The following DNAH7 variants were observed in gnomAD, a reference collection of about 807,000 sequenced individuals.
The protein encoded by DNAH7 is axonemal beta dynein heavy chain 7.
A neutral mutation model predicts 444.6 loss-of-function variants in DNAH7; 397 were observed. The observed-to-expected ratio is 0.89, with a 90% CI of 0.82 to 0.97. The LOEUF (loss-of-function observed/expected upper bound fraction) is 0.97, where lower values mean the gene tolerates loss of function less well. DNAH7 is among the 50% of genes least tolerant of loss of function. The pLI is 0.00. For missense variants in DNAH7, 4,902 were observed against 4,800.8 expected (o/e 1.02, Z -0.62); for synonymous variants, 1,636 against 1,624.4 (o/e 1.01, Z -0.17).
At chr2:195,871,686 T>C (rs913467105) in intron 40 of DNAH7, among the ~76,000 whole-genome samples, 1 of 151,088 alleles carries the variant, frequency 6.6e-6, no homozygotes, top group Non-Finnish European at 1.5e-5. Flanking sequence ...CTAACAAGGA[T>C]TAAACTACTT....
intron 44 of DNAH7, among the ~76,000 whole-genome samples, chr2:195,857,040 C>T (rs1175675666): frequency 6.6e-6 from 1 of 151,964 alleles, no homozygotes; most frequent in Non-Finnish European, 1.5e-5. Flanking sequence ...CTTGTATTAA[C>T]ATGTAACATT....
chr2:196,017,946 G>A (rs937311554), intron 9 of DNAH7, among the ~76,000 whole-genome samples: 1 of 152,066 alleles, frequency 6.6e-6, no homozygotes, highest in East Asian at 1.9e-4. Context: ...ATATTTAACA[G>A]TATAAAAATT....
At chr2:196,047,624 AGTATAAT>A in intron 4 of DNAH7, 125 bp from the exon 5 acceptor site, 1 of 794,178 alleles carries the variant, frequency 1.3e-6, no homozygotes, top group Non-Finnish European at 1.7e-6. Flanking sequence ...AGTAATCCTA[AGTATAAT>A]TTTTTTTTTT....
At chr2:195,863,739 C>T (rs887755300) in intron 41 of DNAH7, among the ~76,000 whole-genome samples, 7 of 152,170 alleles carry the variant, frequency 4.6e-5, no homozygotes, top group African/African-American at 9.7e-5. Flanking sequence ...GACTTTCATA[C>T]ACGGTTATAG....
In DNAH7 at chr2:195,926,423, T is replaced by C. The variant is rs768270363; in HGVS notation, c.3612+3A>G. On this transcript the variant is annotated splice_donor_region_variant and intron_variant, in intron 22 of 64. Coordinates refer to ENST00000312428, the MANE Select transcript of DNAH7 (RefSeq NM_018897.3). The stretch of plus-strand genomic sequence containing the variant: ...AAAAACCCGAGGGTTAATAAAACCT[T>C]ACCTTTATCCCCATTGGAATAGCTG... 4.6e-6 allele frequency: 7 copies of C among 1,531,332 alleles called. No homozygotes were observed. In the African/African-American group the frequency reaches 9.9e-5, roughly 22 times the overall value. The allele number at this position is 1,531,332 out of a possible 1,614,324, so 94.9% of individuals were successfully genotyped here.
At chr2:195,884,034 G>A (rs990032632) in intron 35 of DNAH7, among the ~76,000 whole-genome samples, 1 of 152,120 alleles carries the variant, frequency 6.6e-6, no homozygotes, top group Admixed American at 6.5e-5. Context: ...TTGGGAATGT[G>A]GTATGATCCC....
intron 61 of DNAH7, among the ~76,000 whole-genome samples, chr2:195,767,053 C>T (rs1559081606): frequency 6.6e-6 from 1 of 151,784 alleles, no homozygotes; most frequent in Non-Finnish European, 1.5e-5. Flanking sequence ...ATTAATTTGT[C>T]TTTATTTTAT....
chr2:195,784,015 T>G (rs1574427135), intron 58 of DNAH7, among the ~76,000 whole-genome samples: 1 of 152,228 alleles, frequency 6.6e-6, no homozygotes, highest in South Asian at 2.1e-4. Flanking sequence ...TCCCCATACC[T>G]GCACAGCCTC....
intron 63 of DNAH7, among the ~76,000 whole-genome samples, chr2:195,749,828 G>A (rs181187536): frequency 0.021 from 2,964 of 141,150 alleles, 48 homozygotes; most frequent in Non-Finnish European, 0.032. Context: ...TCTGGGGACT[G>A]TTGTGGGGAA....
At chr2:195,778,669 T>A (rs7581800) in intron 58 of DNAH7, among the ~76,000 whole-genome samples, 2 of 64,064 alleles carry the variant, frequency 3.1e-5, no homozygotes, top group East Asian at 4.7e-4. Context: ...TATATATATA[T>A]ACACACACAC....
intron 51 of DNAH7, among the ~76,000 whole-genome samples, chr2:195,810,408 T>A (rs1696910997): frequency 6.6e-6 from 1 of 151,814 alleles, no homozygotes; most frequent in Middle Eastern, 3.2e-3. Flanking sequence ...TTCCTTTTTA[T>A]TATTTATTTA....
Position 195,872,477 on chromosome 2 carries a change from A to T in DNAH7, c.6414-8T>A, listed in dbSNP as rs1313533169. The T allele has an allele frequency of 5.8e-6, 9 of 1,555,588 alleles. No homozygotes were observed. The highest frequency in any genetic ancestry group is 1.8e-5 in the Admixed American group (1 of 56,086). On this transcript the variant is annotated splice_region_variant and splice_polypyrimidine_tract_variant and intron_variant, in intron 39 of 64. Coordinates refer to ENST00000312428, the MANE Select transcript of DNAH7 (RefSeq NM_018897.3). ...TCATCTGGAAATTTATAACTTAAAA[A>T]TTTTTTAAATAAAAAGAAAGGAAAA... is the stretch of plus-strand genomic sequence containing the variant.
At chr2:195,985,426 GA>G (rs1338726279) in intron 14 of DNAH7, among the ~76,000 whole-genome samples, 1 of 151,932 alleles carries the variant, frequency 6.6e-6, no homozygotes, top group Admixed American at 6.6e-5. Flanking sequence ...ATATAGAAGG[GA>G]TAACTGAAGG....
chr2:195,928,228 T>A (rs1688466921), intron 21 of DNAH7, among the ~76,000 whole-genome samples: 1 of 152,198 alleles, frequency 6.6e-6, no homozygotes, highest in Admixed American at 6.6e-5. Flanking sequence ...TCCAGCTCCA[T>A]CTATGTTGCT....
At chr2:195,800,365 G>A (rs1696385971) in intron 54 of DNAH7, among the ~76,000 whole-genome samples, 1 of 152,166 alleles carries the variant, frequency 6.6e-6, no homozygotes, top group Non-Finnish European at 1.5e-5. Flanking sequence ...ATCACGGCAA[G>A]TGGATGTGTG....
chr2:195,817,356 A>G (rs1697274859), intron 50 of DNAH7, among the ~76,000 whole-genome samples: 2 of 152,212 alleles, frequency 1.3e-5, no homozygotes, highest in African/African-American at 4.8e-5. Context: ...GATGCAACAT[A>G]TTCATTCATA....
At chr2:195,766,342 T>C (rs1044406613) in intron 61 of DNAH7, among the ~76,000 whole-genome samples, 2 of 151,766 alleles carry the variant, frequency 1.3e-5, no homozygotes, top group Non-Finnish European at 2.9e-5. Context: ...CCAATTTTTA[T>C]ATTTTTAGTA....
At chr2:195,970,861 A>G (rs1338653654) in intron 16 of DNAH7, among the ~76,000 whole-genome samples, 1 of 152,162 alleles carries the variant, frequency 6.6e-6, no homozygotes, top group Non-Finnish European at 1.5e-5. Flanking sequence ...TTCCTGGCAA[A>G]CTTATTGCTC....
At position 195,809,783 on chromosome 2, in the gene DNAH7, A is replaced by T; in HGVS notation, c.9850T>A (p.Phe3284Ile). The T allele has an allele frequency of 6.3e-7, 1 of 1,599,182 alleles. No individual in the cohort carries two copies. The highest frequency in any genetic ancestry group is 8.5e-7 in the Non-Finnish European group (1 of 1,172,056). The change falls in exon 52 of 65, where the codon TTT (phenylalanine) becomes ATT (isoleucine). Residue 3284 changes from phenylalanine to isoleucine, a missense_variant. Phe to Ile is a conservative substitution (Grantham distance 21). Coordinates refer to ENST00000312428, the MANE Select transcript of DNAH7 (RefSeq NM_018897.3). The stretch of plus-strand genomic sequence containing the variant: ...AGCAGTAGATTTATGGTTAGACAAA[A>T]GGAAAAGAGCAGCTTATCCTTTTCA... Reference protein sequence around the residue: ...LFEKDKLLFSFCLTINLLLHE... With the variant: ...LFEKDKLLFSICLTINLLLHE...
Sources: allele counts gnomAD v4.1 joint callset (sites outside exome capture counted in the v4.1 genomes callset), GRCh38; gene constraint gnomAD v4.1.1; transcripts MANE v1.5; gene names NCBI Gene and HGNC (gene_info 2026-07-23, HGNC 2026-07-21).